Variants in FOXP1 observed in about 807,000 individuals in gnomAD.
FOXP1 encodes forkhead box P1.
In FOXP1, 15 loss-of-function variants were observed where a neutral mutation model predicts 98.2. The observed-to-expected ratio is 0.15, with a 90% CI of 0.10 to 0.24. FOXP1 has a LOEUF of 0.24. Ranked by LOEUF, FOXP1 falls within the 10% of genes least tolerant of loss-of-function variation. The probability of loss-of-function intolerance (pLI) is 1.00; values close to 1 mark genes in which losing one functional copy is unlikely to be tolerated. For missense variants in FOXP1, 633 were observed against 848.5 expected, an observed-to-expected ratio of 0.75 and a Z score of 3.15; for synonymous variants, 371 against 314.5, an observed-to-expected ratio of 1.18 and a Z score of -1.90.
intron 11 of FOXP1, among the ~76,000 whole-genome samples, chr3:71,038,817 C>A (rs867472830): frequency 5.0e-4 from 76 of 152,058 alleles, no homozygotes; most frequent in African/African-American, 1.8e-3. Flanking sequence ...GTGCATGCCA[C>A]CATGGCAGGC....
intron 7 of FOXP1, among the ~76,000 whole-genome samples, chr3:71,095,455 A>G (rs899927913): frequency 6.6e-6 from 1 of 152,222 alleles, no homozygotes; most frequent in Non-Finnish European, 1.5e-5. Flanking sequence ...TTAAAAGCCA[A>G]ATGATATGCT....
intron 4 of FOXP1, among the ~76,000 whole-genome samples, chr3:71,323,562 G>A (rs1056139905): frequency 1.3e-5 from 2 of 152,186 alleles, no homozygotes; most frequent in African/African-American, 4.8e-5. Flanking sequence ...AAGTGAGCAG[G>A]TTTGGGAGGG....
intron 5 of FOXP1, among the ~76,000 whole-genome samples, chr3:71,250,209 C>T (rs2068072378): frequency 6.6e-6 from 1 of 152,174 alleles, no homozygotes; most frequent in Admixed American, 6.5e-5. Flanking sequence ...GCATTCGTGA[C>T]CTCCAAAAAC....
intron 3 of FOXP1, among the ~76,000 whole-genome samples, chr3:71,397,103 T>TATATATGTGTATATATATACAC (rs2081579833): frequency 1.4e-5 from 1 of 70,748 alleles, no homozygotes; most frequent in Non-Finnish European, 3.5e-5. Flanking sequence ...TATATATACA[T>TATATATGTGTATATATATACAC]ATATATATAT....
chr3:71,260,948 C>T (rs1163164365), intron 5 of FOXP1, among the ~76,000 whole-genome samples: 1 of 152,092 alleles, frequency 6.6e-6, no homozygotes, highest in African/African-American at 2.4e-5. Flanking sequence ...AGCTTTCGAC[C>T]ACACACCATC....
At chr3:71,412,585 A>T (rs981134422) in intron 3 of FOXP1, among the ~76,000 whole-genome samples, 1 of 152,232 alleles carries the variant, frequency 6.6e-6, no homozygotes, top group Admixed American at 6.5e-5. Context: ...GTTACCCAAG[A>T]GGGATGCACC....
chr3:71,381,688 C>T (rs979108212), intron 3 of FOXP1, among the ~76,000 whole-genome samples: 1 of 151,952 alleles, frequency 6.6e-6, no homozygotes, highest in Non-Finnish European at 1.5e-5. Flanking sequence ...AAGCAATCCA[C>T]CCACCTCAGT....
At chr3:71,582,673 G>A in intron 1 of FOXP1, 1 of 985,382 alleles carries the variant, frequency 1.0e-6, no homozygotes, top group Non-Finnish European at 1.2e-6. Flanking sequence ...GCGACTCCTC[G>A]CAGCGCATCC....
At chr3:71,413,588 C>G (rs1185383329) in intron 3 of FOXP1, among the ~76,000 whole-genome samples, 1 of 152,090 alleles carries the variant, frequency 6.6e-6, no homozygotes, top group Admixed American at 6.5e-5. Flanking sequence ...ACCCATATAC[C>G]TGCCTCTTAG....
chr3:71,501,750 T>C (rs2041381179), intron 2 of FOXP1, among the ~76,000 whole-genome samples: 1 of 152,214 alleles, frequency 6.6e-6, no homozygotes, highest in South Asian at 2.1e-4. Context: ...CCACCTTGAA[T>C]CCATTGCTCC....
At chr3:71,258,334 AAGAC>A (rs1444588726) in intron 5 of FOXP1, among the ~76,000 whole-genome samples, 1 of 152,208 alleles carries the variant, frequency 6.6e-6, no homozygotes, top group African/African-American at 2.4e-5. Context: ...GAGGAAAAAA[AAGAC>A]AGAGGATTGG....
intron 14 of FOXP1, among the ~76,000 whole-genome samples, chr3:70,979,740 A>G (rs991412107): frequency 3.3e-5 from 5 of 151,576 alleles, no homozygotes; most frequent in Non-Finnish European, 7.4e-5. Context: ...GAGAGTTCCA[A>G]TATGTTGGGA....
At chr3:71,418,131 G>C (rs2083360292) in intron 3 of FOXP1, among the ~76,000 whole-genome samples, 1 of 152,014 alleles carries the variant, frequency 6.6e-6, no homozygotes, top group African/African-American at 2.4e-5. Context: ...GTGTGTGTGT[G>C]TGTGTGTGTG....
At chr3:71,227,063 C>T (rs1278458183) in intron 5 of FOXP1, among the ~76,000 whole-genome samples, 3 of 152,040 alleles carry the variant, frequency 2.0e-5, no homozygotes, top group Non-Finnish European at 2.9e-5. Context: ...AAGGCTGGTG[C>T]GGTTCTAGCG....
chr3:71,494,991 A>G (rs1370526664), intron 2 of FOXP1, among the ~76,000 whole-genome samples: 1 of 152,192 alleles, frequency 6.6e-6, no homozygotes, highest in Admixed American at 6.5e-5. Flanking sequence ...TACCATCTTT[A>G]GGATAAAATT....
chr3:71,054,810 C>CG (rs1232506201), intron 7 of FOXP1, among the ~76,000 whole-genome samples: 1 of 151,862 alleles, frequency 6.6e-6, no homozygotes, highest in African/African-American at 2.4e-5. Context: ...GTCTTCTAAC[C>CG]GTAATATTTA....
chr3:71,423,290 C>T (rs2083807793), intron 3 of FOXP1, among the ~76,000 whole-genome samples: 1 of 152,316 alleles, frequency 6.6e-6, no homozygotes, highest in South Asian at 2.1e-4. Context: ...CCAAGCGCAT[C>T]GCAGAGCAAG....
At chr3:71,406,852 C>T (rs1213801663) in intron 3 of FOXP1, among the ~76,000 whole-genome samples, 1 of 152,068 alleles carries the variant, frequency 6.6e-6, no homozygotes, top group Admixed American at 6.6e-5. Context: ...ATACAAGCCT[C>T]CTGCTTGCTT....
At chr3:71,477,545 G>C (rs2089950371) in intron 3 of FOXP1, among the ~76,000 whole-genome samples, 1 of 152,124 alleles carries the variant, frequency 6.6e-6, no homozygotes, top group African/African-American at 2.4e-5. Context: ...ACATAGGTAA[G>C]CTCGACAAAA....
Sources: gnomAD v4.1 joint callset for allele counts (sites outside exome capture counted in the v4.1 genomes callset) on GRCh38, gnomAD v4.1.1 for gene constraint, MANE v1.5 for transcripts, NCBI Gene and HGNC (gene_info 2026-07-23, HGNC 2026-07-21) for gene names.